SCAI: variants seen among roughly 807,000 people sequenced by gnomAD.
SCAI encodes the protein suppressor of cancer cell invasion, also known as protein SCAI.
Under a neutral mutation model 92.2 loss-of-function variants are expected in SCAI, and 24 were observed. The observed-to-expected ratio is 0.26, with a 90% CI of 0.19 to 0.37. The LOEUF (loss-of-function observed/expected upper bound fraction) is 0.37, where lower values mean the gene tolerates loss of function less well. SCAI is among the 10% of genes least tolerant of loss of function. The pLI is 1.00. For synonymous variants in SCAI, 261 were observed against 258.6 expected (o/e 1.01, Z -0.09); for missense variants, 450 against 736.2 (o/e 0.61, Z 4.50).
At chr9:124,990,560 A>C (rs1832098540) in intron 14 of SCAI, among the ~76,000 whole-genome samples, 1 of 152,188 alleles carries the variant, frequency 6.6e-6, no homozygotes, top group South Asian at 2.1e-4. Context: ...GAAAGGGTAG[A>C]AATGTGAGTT....
chr9:124,979,357 T>C (rs1290483131), intron 14 of SCAI, among the ~76,000 whole-genome samples: 1 of 151,172 alleles, frequency 6.6e-6, no homozygotes, highest in African/African-American at 2.4e-5. Context: ...CTGACCAACA[T>C]GGTGAAAGCC....
intron 2 of SCAI, among the ~76,000 whole-genome samples, chr9:125,072,202 A>G (rs946119875): frequency 1.3e-5 from 2 of 151,916 alleles, no homozygotes; most frequent in Non-Finnish European, 2.9e-5. Flanking sequence ...TTTTGTATTT[A>G]TAGTAGAGAC....
intron 2 of SCAI, among the ~76,000 whole-genome samples, chr9:125,098,034 CACACATATATATATGTGTATAT>C (rs1834597875): frequency 6.7e-6 from 1 of 149,652 alleles, no homozygotes; most frequent in South Asian, 2.1e-4. Context: ...TATCTATACA[CACACATATATATATGTGTATAT>C]ACACATATAT....
At chr9:125,040,516 G>T (rs1833298164) in intron 3 of SCAI, among the ~76,000 whole-genome samples, 1 of 152,136 alleles carries the variant, frequency 6.6e-6, no homozygotes, top group African/African-American at 2.4e-5. Flanking sequence ...AATACATAGA[G>T]AATTATATCA....
At chr9:125,092,390 C>A (rs929452622) in intron 2 of SCAI, among the ~76,000 whole-genome samples, 2 of 150,338 alleles carry the variant, frequency 1.3e-5, no homozygotes, top group African/African-American at 4.9e-5. Context: ...GAGTCGGAGG[C>A]TACAGTGAGC....
chr9:125,034,704 T>C (rs1223488410), intron 3 of SCAI, among the ~76,000 whole-genome samples: 2 of 152,280 alleles, frequency 1.3e-5, no homozygotes, highest in East Asian at 3.9e-4. Context: ...GCTGTGATCA[T>C]GCCACTGTAC....
chr9:125,056,843 G>A (rs1387921278), intron 2 of SCAI, among the ~76,000 whole-genome samples: 1 of 152,138 alleles, frequency 6.6e-6, no homozygotes, highest in Non-Finnish European at 1.5e-5. Context: ...TTAAGAAGGT[G>A]AGGCAATGGT....
chr9:125,102,587 GAAAC>G (rs1180533469), intron 2 of SCAI, among the ~76,000 whole-genome samples: 1 of 146,652 alleles, frequency 6.8e-6, no homozygotes, highest in African/African-American at 2.5e-5. Flanking sequence ...TTACCAAAAT[GAAAC>G]AAACAAACCC....
Position 125,143,194 on chromosome 9 carries a change from T to C in SCAI, c.53+191A>G, listed in dbSNP as rs1465777475. Among the ~76,000 whole-genome samples, 21 of 142,838 alleles carry C rather than the reference T, an allele frequency of 1.5e-4. No homozygotes were observed. The East Asian group carries it at 4.3e-3, about 29-fold the overall frequency. The allele number at this position is 142,838 out of a possible 152,430, so 93.7% of individuals were successfully genotyped here. A position where few individuals can be genotyped will look rare whatever the true frequency, so the allele number is the denominator to read the frequency against. On this transcript the variant is annotated intron_variant, in intron 1 of 17. Coordinates refer to ENST00000336505, the MANE Select transcript of SCAI (RefSeq NM_001144877.3). ...CCTTCCCTCACACGCCCCTCTCACC[T>C]GGCCTCGAGGAGGCGATCGCGCCCA...
intron 2 of SCAI, among the ~76,000 whole-genome samples, chr9:125,127,588 T>C (rs1033405333): frequency 1.3e-5 from 2 of 152,178 alleles, no homozygotes; most frequent in Non-Finnish European, 2.9e-5. Flanking sequence ...ACTTTTTGCT[T>C]ACCTGATTTC....
intron 14 of SCAI, among the ~76,000 whole-genome samples, chr9:124,987,993 C>T (rs1044376530): frequency 6.6e-6 from 1 of 151,858 alleles, no homozygotes; most frequent in African/African-American, 2.4e-5. Flanking sequence ...AACAAACACT[C>T]TTTTAAGTGT....
At chr9:124,970,930 T>C (rs960112713) in intron 17 of SCAI, among the ~76,000 whole-genome samples, 39 of 152,158 alleles carry the variant, frequency 2.6e-4, no homozygotes, top group Admixed American at 4.6e-4. Context: ...TTCTCCTGCC[T>C]CAGCCTCCAG....
At chr9:125,113,307 T>C (rs1834965871) in intron 2 of SCAI, among the ~76,000 whole-genome samples, 1 of 152,144 alleles carries the variant, frequency 6.6e-6, no homozygotes. Context: ...TCCCTAAAAA[T>C]CCAATCTAAT....
intron 2 of SCAI, among the ~76,000 whole-genome samples, chr9:125,109,340 C>T (rs895314622): frequency 6.6e-6 from 1 of 151,658 alleles, no homozygotes; most frequent in African/African-American, 2.4e-5. Context: ...CGAGAAACAC[C>T]CAAGAATTAT....
At chr9:125,109,657 C>CTATT (rs1834892621) in intron 2 of SCAI, among the ~76,000 whole-genome samples, 1 of 111,442 alleles carries the variant, frequency 9.0e-6, no homozygotes, top group South Asian at 2.7e-4. Flanking sequence ...TTCCATTTAT[C>CTATT]TATCTATCTA....
chr9:125,119,658 C>T (rs1211347851), intron 2 of SCAI, among the ~76,000 whole-genome samples: 1 of 152,214 alleles, frequency 6.6e-6, no homozygotes, highest in Non-Finnish European at 1.5e-5. Flanking sequence ...TGCTACATAA[C>T]TTAGTGGCTT....
chr9:125,020,214 A>G (rs1267878260), intron 7 of SCAI, among the ~76,000 whole-genome samples: 1 of 152,342 alleles, frequency 6.6e-6, no homozygotes, highest in Middle Eastern at 3.4e-3. Flanking sequence ...GATTACAGGT[A>G]TTAAGTGGGT....
Position 125,002,993 on chromosome 9 carries a change from A to T in SCAI, c.1065+121T>A, listed in dbSNP as rs540623492. 7 of 646,658 alleles carry T rather than the reference A, an allele frequency of 1.1e-5. No individual in the cohort carries two copies. The Admixed American group carries it at 1.3e-4, about 12-fold the overall frequency. 40.1% of individuals were successfully genotyped at this position (646,658 alleles called of 1,614,324 possible). On this transcript the variant is annotated intron_variant, in intron 11 of 17. Transcript: ENST00000336505. The stretch of plus-strand genomic sequence containing the variant: ...TCTATTATCAGGATCATTACTCTAA[A>T]GGCAGTTTTTCATTTTTATATTTTA...
intron 2 of SCAI, among the ~76,000 whole-genome samples, chr9:125,108,302 G>C (rs1242466634): frequency 2.6e-5 from 4 of 152,080 alleles, no homozygotes; most frequent in Admixed American, 2.0e-4. Flanking sequence ...CATCATCTGG[G>C]ATGTGAGGAG....
Sources: allele counts gnomAD v4.1 joint callset (sites outside exome capture counted in the v4.1 genomes callset), GRCh38; gene constraint gnomAD v4.1.1; transcripts MANE v1.5; gene names NCBI Gene and HGNC (gene_info 2026-07-23, HGNC 2026-07-21).